The following VIPR2 variants were observed in gnomAD, a reference collection of about 807,000 sequenced individuals.
The protein encoded by VIPR2 is vasoactive intestinal peptide receptor 2, also known as vasoactive intestinal polypeptide receptor 2.
In VIPR2, 48 loss-of-function variants were observed where a neutral mutation model predicts 58.0. The ratio of observed to expected loss-of-function variants is 0.83; its 90% confidence interval spans 0.66 to 1.05. VIPR2 has a LOEUF of 1.05. Among genes scored for constraint, VIPR2 ranks in the 50% least tolerant of loss-of-function variants. VIPR2 has a pLI of 0.00. For synonymous variants in VIPR2, 243 were observed against 235.2 expected (o/e 1.03, Z -0.30); for missense variants, 534 against 558.0 (o/e 0.96, Z 0.43).
chr7:159,055,240 C>T (rs2540341), intron 5 of VIPR2, among the ~76,000 whole-genome samples: 137,345 of 152,210 alleles, frequency 0.9, 62,159 homozygotes, highest in East Asian at 1. Flanking sequence ...TCCGAGGTAA[C>T]GTTTTCAAAA....
At chr7:159,126,330 T>G (rs1192234789) in intron 2 of VIPR2, among the ~76,000 whole-genome samples, 1 of 152,272 alleles carries the variant, frequency 6.6e-6, no homozygotes, top group African/African-American at 2.4e-5. Context: ...GATGCATGTT[T>G]ACATCATTTG....
At chr7:159,079,861 A>T (rs1261676016) in intron 4 of VIPR2, among the ~76,000 whole-genome samples, 2 of 152,254 alleles carry the variant, frequency 1.3e-5, no homozygotes, top group Non-Finnish European at 2.9e-5. Context: ...AAACTAGAAA[A>T]TCTAGAAGAA....
chr7:159,063,684 C>T (rs1036397818), intron 4 of VIPR2, among the ~76,000 whole-genome samples: 1 of 141,170 alleles, frequency 7.1e-6, no homozygotes, highest in Non-Finnish European at 1.5e-5. Flanking sequence ...TGTCACCTCT[C>T]AGTGGGGTCC....
rs991931122 is a variant in VIPR2, at chr7:159,047,481, C to T, written c.456-4305G>A. Among the ~76,000 whole-genome samples, 4 of 151,934 alleles carry T rather than the reference C, an allele frequency of 2.6e-5. No individual in the cohort carries two copies. In the East Asian group the frequency reaches 7.7e-4, roughly 29 times the overall value. On this transcript the variant is annotated intron_variant, in intron 5 of 12. Coordinates refer to ENST00000262178, the MANE Select transcript of VIPR2 (RefSeq NM_003382.5). ...CATAGTTTCCATTTGTCAAAGAATT[C>T]GGTTATATATGAAAAAACTAGTTTC...
intron 6 of VIPR2, among the ~76,000 whole-genome samples, chr7:159,040,370 C>T (rs574584268): frequency 2.0e-5 from 3 of 152,368 alleles, no homozygotes; most frequent in South Asian, 4.1e-4. Context: ...CACGTGAGTA[C>T]GCACACATGT....
intron 2 of VIPR2, among the ~76,000 whole-genome samples, chr7:159,119,467 A>C (rs1796371107): frequency 6.6e-6 from 1 of 152,312 alleles, no homozygotes; most frequent in South Asian, 2.1e-4. Flanking sequence ...CTGCACCTGT[A>C]GGAGCCCAGA....
At chr7:159,119,125 G>C (rs967658899) in intron 2 of VIPR2, among the ~76,000 whole-genome samples, 1 of 152,198 alleles carries the variant, frequency 6.6e-6, no homozygotes, top group African/African-American at 2.4e-5. Flanking sequence ...CACCATGTAG[G>C]GTGGTCCCTA....
rs750839442 is a variant in VIPR2, at chr7:159,096,890, G to A, written c.357+6867C>T. On this transcript the variant is annotated intron_variant, in intron 4 of 12. Coordinates refer to ENST00000262178, the MANE Select transcript of VIPR2 (RefSeq NM_003382.5). This position sits in a 1 kb window ranked among gnomAD's most constrained non-coding sequence, Gnocchi z 5.5. ...GGCTGAGACCACCCTCTCTGTGGCCGCCTTGCTGTCCCCGTTCCCATCACT... is the reference window on the plus strand; with the variant it reads ...GGCTGAGACCACCCTCTCTGTGGCCACCTTGCTGTCCCCGTTCCCATCACT... The A allele has an allele frequency of 2.7e-5, 42 of 1,549,082 alleles. No individual in the cohort carries two copies. The highest frequency in any genetic ancestry group is 2.2e-4 in the Admixed American group (11 of 50,936).
chr7:159,054,083 C>A (rs1478492185), intron 5 of VIPR2, among the ~76,000 whole-genome samples: 2 of 152,182 alleles, frequency 1.3e-5, no homozygotes, highest in Non-Finnish European at 2.9e-5. Flanking sequence ...CATGCCACTG[C>A]CTGCTCTGTG....
In VIPR2 at chr7:159,097,299, T is replaced by A; in HGVS notation, c.357+6458A>T. 1 of 1,327,294 alleles carries A rather than the reference T, an allele frequency of 7.5e-7. No individual in the cohort carries two copies. The highest frequency in any genetic ancestry group is 9.7e-7 in the Non-Finnish European group (1 of 1,036,246). 82.2% of individuals were successfully genotyped at this position (1,327,294 alleles called of 1,614,324 possible). A position where few individuals can be genotyped will look rare whatever the true frequency, so the allele number is the denominator to read the frequency against. On this transcript the variant is annotated intron_variant, in intron 4 of 12. Coordinates refer to ENST00000262178, the MANE Select transcript of VIPR2 (RefSeq NM_003382.5). This position sits in a 1 kb window ranked among gnomAD's most constrained non-coding sequence, Gnocchi z 5.3. ...TGTGGCGTAACACGGAAGAAATGTG[T>A]GCACTTGAAGCATGGGGAGGCCGAA...
intron 1 of VIPR2, chr7:159,144,292 A>G (rs1797597120): frequency 2.9e-6 from 4 of 1,390,806 alleles, no homozygotes; most frequent in Non-Finnish European, 3.8e-6. Flanking sequence ...CGACACTAAA[A>G]CTAACCAGTA....
chr7:159,049,397 G>C (rs1168593331), intron 5 of VIPR2, among the ~76,000 whole-genome samples: 1 of 152,182 alleles, frequency 6.6e-6, no homozygotes, highest in Non-Finnish European at 1.5e-5. Context: ...TGGACTCTGG[G>C]GAGAAGGCAA....
chr7:159,119,466 T>G (rs910046174), intron 2 of VIPR2, among the ~76,000 whole-genome samples: 1 of 152,088 alleles, frequency 6.6e-6, no homozygotes, highest in East Asian at 1.9e-4. Flanking sequence ...CCTGCACCTG[T>G]AGGAGCCCAG....
intron 4 of VIPR2, among the ~76,000 whole-genome samples, chr7:159,084,066 C>G (rs1585444153): frequency 6.6e-6 from 1 of 152,234 alleles, no homozygotes; most frequent in Non-Finnish European, 1.5e-5. Context: ...TCTTCCAGAC[C>G]CTTTGTGTAA....
In VIPR2 at chr7:159,054,930, T is replaced by C. The variant is rs191304236; in HGVS notation, c.455+3551A>G. Among the ~76,000 whole-genome samples, 155 of 152,264 alleles carry C rather than the reference T, an allele frequency of 1.0e-3. 3 individuals carry two copies. The East Asian group carries it at 0.024, about 24-fold the overall frequency. On this transcript the variant is annotated intron_variant, in intron 5 of 12. Coordinates refer to ENST00000262178, the MANE Select transcript of VIPR2 (RefSeq NM_003382.5). ...CTATGTATAGCCTATGACCAGTAAATATAAGATAAACACAAATGTAAATAT... is the reference window on the plus strand; with the variant it reads ...CTATGTATAGCCTATGACCAGTAAACATAAGATAAACACAAATGTAAATAT...
intron 4 of VIPR2, among the ~76,000 whole-genome samples, chr7:159,102,017 GCAGTT>G: frequency 8.3e-6 from 1 of 119,852 alleles, no homozygotes; most frequent in Non-Finnish European, 2.0e-5. Flanking sequence ...ATCCGACGAG[GCAGTT>G]CCGACTGTTC....
chr7:159,034,165 C>G (rs1481670177), intron 10 of VIPR2, 48 bp downstream of exon 10: 1 of 1,593,270 alleles, frequency 6.3e-7, no homozygotes, highest in Non-Finnish European at 8.6e-7. Flanking sequence ...TCTCCTGTCT[C>G]CACACGGCAT....
intron 2 of VIPR2, among the ~76,000 whole-genome samples, chr7:159,118,843 T>G (rs942962765): frequency 6.6e-6 from 1 of 152,266 alleles, no homozygotes; most frequent in Non-Finnish European, 1.5e-5. Context: ...GTCACCAGCA[T>G]GGGCTCTGCT....
chr7:159,032,690 C>T (rs1018753802), intron 10 of VIPR2, among the ~76,000 whole-genome samples: 1 of 152,134 alleles, frequency 6.6e-6, no homozygotes, highest in African/African-American at 2.4e-5. Context: ...ACAGAAAGGA[C>T]CTCGTGTGGC....
Sources: gnomAD v4.1 joint callset for allele counts (sites outside exome capture counted in the v4.1 genomes callset) on GRCh38, gnomAD v4.1.1 for gene constraint, Gnocchi (gnomAD v3.1) non-coding constraint, MANE v1.5 for transcripts, NCBI Gene and HGNC (gene_info 2026-07-23, HGNC 2026-07-21) for gene names.